TANC1: variants seen among roughly 807,000 people sequenced by gnomAD.
TANC1 encodes tetratricopeptide repeat, ankyrin repeat and coiled-coil containing 1, also known as protein TANC1.
Under a neutral mutation model 149.7 loss-of-function variants are expected in TANC1, and 77 were observed. The observed-to-expected ratio is 0.51, with a 90% CI of 0.43 to 0.62. The LOEUF is 0.62. Among genes scored for constraint, TANC1 ranks in the 20% least tolerant of loss-of-function variants. TANC1 has a pLI of 0.00. For synonymous variants in TANC1, 854 were observed against 925.0 expected, an observed-to-expected ratio of 0.92 and a Z score of 1.39; for missense variants, 1,985 against 2,321.8, an observed-to-expected ratio of 0.85 and a Z score of 2.98.
chr2:159,033,765 C>G (rs2039967660), intron 2 of TANC1, among the ~76,000 whole-genome samples: 1 of 152,198 alleles, frequency 6.6e-6, no homozygotes, highest in African/African-American at 2.4e-5. Flanking sequence ...TATCCAGCCT[C>G]TGTCACATCT....
chr2:159,228,995 A>G (rs72955954), intron 26 of TANC1, 99 bp downstream of exon 26: 84,610 of 880,574 alleles, frequency 0.096, 4,544 homozygotes, highest in South Asian at 0.14. Flanking sequence ...AGTGTTGCTC[A>G]GGTGCCTCTC....
chr2:159,135,582 G>C (rs1228943969), intron 4 of TANC1, among the ~76,000 whole-genome samples: 1 of 152,268 alleles, frequency 6.6e-6, no homozygotes, highest in Admixed American at 6.5e-5. Flanking sequence ...ACAGGAGGTA[G>C]GAGATAAGCC....
At chr2:159,076,894 A>C (rs1363298763) in intron 3 of TANC1, among the ~76,000 whole-genome samples, 1 of 152,192 alleles carries the variant, frequency 6.6e-6, no homozygotes, top group Non-Finnish European at 1.5e-5. Flanking sequence ...AAAGGAAAAC[A>C]TATCTCTATG....
intron 2 of TANC1, among the ~76,000 whole-genome samples, chr2:159,060,782 G>A (rs916905365): frequency 6.6e-6 from 1 of 152,194 alleles, no homozygotes; most frequent in Non-Finnish European, 1.5e-5. Context: ...TTTACTGCTA[G>A]TACTCTTCTA....
chr2:159,220,661 G>A (rs1436962342), intron 22 of TANC1, among the ~76,000 whole-genome samples: 5 of 152,050 alleles, frequency 3.3e-5, no homozygotes, highest in Admixed American at 6.6e-5. Context: ...GCAGTGGTGT[G>A]ATGACTGCAG....
At chr2:159,217,699 C>G in intron 20 of TANC1, 69 bp downstream of exon 20, 1 of 1,570,484 alleles carries the variant, frequency 6.4e-7, no homozygotes, top group Non-Finnish European at 8.7e-7. Context: ...GCCTGGCTCC[C>G]CTGAGAACAC....
chr2:159,154,465 C>A (rs987905616), intron 7 of TANC1, among the ~76,000 whole-genome samples: 1 of 152,106 alleles, frequency 6.6e-6, no homozygotes, highest in Non-Finnish European at 1.5e-5. Context: ...GTTTCCACTG[C>A]TTAGGAGGAG....
At chr2:159,218,072 G>A (rs1395903292) in intron 20 of TANC1, among the ~76,000 whole-genome samples, 2 of 126,006 alleles carry the variant, frequency 1.6e-5, no homozygotes, top group Non-Finnish European at 3.6e-5. Context: ...GTTTGTTTTT[G>A]GTTTTTGTTT....
intron 4 of TANC1, among the ~76,000 whole-genome samples, chr2:159,101,472 GTTA>G (rs1323926006): frequency 2.0e-5 from 3 of 150,464 alleles, no homozygotes; most frequent in Non-Finnish European, 4.4e-5. Context: ...TCATATTGAG[GTTA>G]TTATTTTTAT....
chr2:159,151,775 C>T (rs1329647343), intron 7 of TANC1, among the ~76,000 whole-genome samples: 1 of 152,188 alleles, frequency 6.6e-6, no homozygotes, highest in Non-Finnish European at 1.5e-5. Context: ...GGCTTCTTGC[C>T]ATAATTTTCA....
At chr2:159,022,405 G>A (rs1337910578) in intron 2 of TANC1, among the ~76,000 whole-genome samples, 1 of 152,182 alleles carries the variant, frequency 6.6e-6, no homozygotes, top group Non-Finnish European at 1.5e-5. Flanking sequence ...AATTCAGGAT[G>A]TTTGTTCCGG....
chr2:158,976,865 A>G (rs1322296868), intron 1 of TANC1, among the ~76,000 whole-genome samples: 1 of 152,158 alleles, frequency 6.6e-6, no homozygotes, highest in African/African-American at 2.4e-5. Context: ...TCGGCGGCAG[A>G]ATGAGACTCC....
intron 19 of TANC1, among the ~76,000 whole-genome samples, chr2:159,211,165 C>T (rs1290225021): frequency 6.6e-6 from 1 of 152,252 alleles, no homozygotes; most frequent in East Asian, 1.9e-4. Flanking sequence ...GCCACTGCAC[C>T]TGGCCAGTCA....
At chr2:159,222,693 T>A (rs2059779912) in intron 22 of TANC1, among the ~76,000 whole-genome samples, 1 of 152,218 alleles carries the variant, frequency 6.6e-6, no homozygotes, top group African/African-American at 2.4e-5. Flanking sequence ...AATGTTGCAA[T>A]GAATGTGGGT....
chr2:159,085,879 A>G (rs1025786890), intron 3 of TANC1, among the ~76,000 whole-genome samples: 1 of 152,246 alleles, frequency 6.6e-6, no homozygotes, highest in African/African-American at 2.4e-5. Context: ...TCTATCAGGC[A>G]TACACACATA....
Position 159,231,163 on chromosome 2 carries a change from T to A in TANC1, c.*151T>A, listed in dbSNP as rs1321832628. On this transcript the variant is annotated 3_prime_UTR_variant, in exon 27 of 27. Transcript: ENST00000263635. ...CCATTGATATATCTAAAATGTGGGA[T>A]AAAACTTCTTTAATAGCTAGAAATC... The A allele has an allele frequency of 1.7e-6, 1 of 598,678 alleles. No homozygotes were observed. The highest frequency in any genetic ancestry group is 1.9e-5 in the African/African-American group (1 of 54,006). 37.1% of individuals were successfully genotyped at this position (598,678 alleles called of 1,614,324 possible). A position where few individuals can be genotyped will look rare whatever the true frequency, so the allele number is the denominator to read the frequency against.
intron 8 of TANC1, among the ~76,000 whole-genome samples, chr2:159,166,293 T>G (rs1341162560): frequency 1.3e-5 from 2 of 152,242 alleles, no homozygotes; most frequent in African/African-American, 4.8e-5. Flanking sequence ...AAACTGGTCA[T>G]TGCCCTGGAC....
At chr2:158,987,384 G>A (rs1409503898) in intron 1 of TANC1, among the ~76,000 whole-genome samples, 1 of 151,910 alleles carries the variant, frequency 6.6e-6, no homozygotes, top group Non-Finnish European at 1.5e-5. Context: ...AAATTAGCCG[G>A]CTGTGGTGGT....
intron 3 of TANC1, among the ~76,000 whole-genome samples, chr2:159,088,507 C>T (rs1272400865): frequency 6.6e-6 from 1 of 152,074 alleles, no homozygotes; most frequent in African/African-American, 2.4e-5. Context: ...AAATTTCCTG[C>T]TTTTCTTTCC....
Sources: allele counts gnomAD v4.1 joint callset (sites outside exome capture counted in the v4.1 genomes callset), GRCh38; gene constraint gnomAD v4.1.1; transcripts MANE v1.5; gene names NCBI Gene and HGNC (gene_info 2026-07-23, HGNC 2026-07-21).